Variants in ADAMTS6 observed in about 807,000 individuals in gnomAD.
ADAMTS6 encodes the protein A disintegrin and metalloproteinase with thrombospondin motifs 6.
In ADAMTS6, 23 loss-of-function variants were observed where a neutral mutation model predicts 144.3. The observed-to-expected ratio is 0.16, with a 90% CI of 0.11 to 0.23. The LOEUF is 0.23. Ranked by LOEUF, ADAMTS6 falls within the 10% of genes least tolerant of loss-of-function variation. ADAMTS6 has a pLI of 1.00. For missense variants in ADAMTS6, 999 were observed against 1,379.6 expected (o/e 0.72, Z 4.37); for synonymous variants, 444 against 457.5 (o/e 0.97, Z 0.38).
chr5:65,248,631 C>T (rs1023485862), intron 14 of ADAMTS6, among the ~76,000 whole-genome samples: 1 of 106,052 alleles, frequency 9.4e-6, no homozygotes, highest in Non-Finnish European at 1.8e-5. Flanking sequence ...CAAAACCCTA[C>T]AAAAAATACA....
intron 7 of ADAMTS6, among the ~76,000 whole-genome samples, chr5:65,436,532 CCTTT>C (rs1757420198): frequency 6.6e-6 from 1 of 151,118 alleles, no homozygotes; most frequent in East Asian, 1.9e-4. Context: ...AAGCTGCATT[CCTTT>C]ATTTTAAAAA....
chr5:65,198,308 A>G (rs771193087), intron 20 of ADAMTS6, among the ~76,000 whole-genome samples: 2 of 150,884 alleles, frequency 1.3e-5, no homozygotes, highest in Non-Finnish European at 3.0e-5. Context: ...ATCCCACACA[A>G]TCCTTCAGTT....
chr5:65,215,993 G>T (rs1756888873), intron 18 of ADAMTS6, among the ~76,000 whole-genome samples: 1 of 151,980 alleles, frequency 6.6e-6, no homozygotes. Flanking sequence ...CAAGAAATGG[G>T]GCTAAGGCAA....
At chr5:65,340,088 CA>C (rs1303327334) in intron 7 of ADAMTS6, among the ~76,000 whole-genome samples, 1 of 151,940 alleles carries the variant, frequency 6.6e-6, no homozygotes, top group Non-Finnish European at 1.5e-5. Flanking sequence ...GTCAAATTGT[CA>C]AAAGTCAAAG....
At chr5:65,196,974 T>C (rs1327913253) in intron 21 of ADAMTS6, 48 bp downstream of exon 21, 1 of 1,585,956 alleles carries the variant, frequency 6.3e-7, no homozygotes, top group Admixed American at 1.8e-5. Context: ...ATAATGTTTT[T>C]CTCTTTGCAC....
intron 22 of ADAMTS6, among the ~76,000 whole-genome samples, chr5:65,174,062 T>C (rs960944565): frequency 2.0e-5 from 3 of 151,136 alleles, no homozygotes; most frequent in South Asian, 2.1e-4. Context: ...CTCAATCAAG[T>C]GAGGACCTTA....
chr5:65,456,491 G>T (rs114058096), intron 4 of ADAMTS6, among the ~76,000 whole-genome samples: 1 of 151,864 alleles, frequency 6.6e-6, no homozygotes. Flanking sequence ...CTTTATTTTT[G>T]TTCATAGTAC....
intron 21 of ADAMTS6, among the ~76,000 whole-genome samples, chr5:65,188,873 T>C (rs777774146): frequency 6.6e-6 from 1 of 152,238 alleles, no homozygotes; most frequent in Non-Finnish European, 1.5e-5. Context: ...TTAAAAATTT[T>C]ATGCTAAAAC....
chr5:65,412,271 T>C (rs1755112662), intron 7 of ADAMTS6, among the ~76,000 whole-genome samples: 1 of 152,142 alleles, frequency 6.6e-6, no homozygotes, highest in Admixed American at 6.6e-5. Flanking sequence ...AGAAATTAAA[T>C]TGTAATAGTA....
intron 7 of ADAMTS6, among the ~76,000 whole-genome samples, chr5:65,391,128 C>T (rs1486145019): frequency 2.0e-5 from 3 of 152,026 alleles, no homozygotes; most frequent in African/African-American, 4.8e-5. Context: ...GCCATGTAGG[C>T]CAGTCTCGTA....
At chr5:65,421,478 T>G (rs1756037499) in intron 7 of ADAMTS6, among the ~76,000 whole-genome samples, 1 of 152,212 alleles carries the variant, frequency 6.6e-6, no homozygotes, top group Non-Finnish European at 1.5e-5. Context: ...ACCTTGATGC[T>G]TTGGTCTCAC....
rs757258161 is a variant in ADAMTS6, at chr5:65,214,658, T to C, written c.2575+136A>G. ...ATAATATAATTAAAGCAAAGTTTCT[T>C]TTGCTAAATTACAGCTTGAAGCAAA... On this transcript the variant is annotated intron_variant, in intron 20 of 24. Transcript: ENST00000381055. The surrounding 1 kb of genome is among the most constrained non-coding windows in gnomAD (Gnocchi z 4.6). 1 of 1,275,366 alleles carries C rather than the reference T, an allele frequency of 7.8e-7. No individual in the cohort carries two copies. The highest frequency in any genetic ancestry group is 1.9e-4 in the Middle Eastern group (1 of 5,392). The allele number at this position is 1,275,366 out of a possible 1,614,324, so 79.0% of individuals were successfully genotyped here. A position where few individuals can be genotyped will look rare whatever the true frequency, so the allele number is the denominator to read the frequency against.
chr5:65,427,997 A>G lies in ADAMTS6; in HGVS notation c.1073+23478T>C, dbSNP rs139187238. 2.4e-3 allele frequency among the ~76,000 whole-genome samples: 367 copies of G among 152,076 alleles called. 3 individuals carry two copies. The highest frequency in any genetic ancestry group is 8.6e-3 in the African/African-American group (356 of 41,522). ...TCCCAGCACTTTGGGAGGCTGAGACAGGTGGATCACCTGAGGTCAGGAGTT... is the reference window on the plus strand; with the variant it reads ...TCCCAGCACTTTGGGAGGCTGAGACGGGTGGATCACCTGAGGTCAGGAGTT... On this transcript the variant is annotated intron_variant, in intron 7 of 24. Coordinates refer to ENST00000381055, the MANE Select transcript of ADAMTS6 (RefSeq NM_197941.4).
chr5:65,427,296 TTTA>T (rs559034509), intron 7 of ADAMTS6, among the ~76,000 whole-genome samples: 4 of 151,912 alleles, frequency 2.6e-5, no homozygotes, highest in Non-Finnish European at 4.4e-5. Context: ...TTAATTTTAT[TTTA>T]TTATTATTAT....
intron 7 of ADAMTS6, among the ~76,000 whole-genome samples, chr5:65,360,858 GC>G (rs1417794011): frequency 2.0e-5 from 3 of 152,138 alleles, no homozygotes; most frequent in African/African-American, 7.2e-5. Flanking sequence ...CATGTAAGTT[GC>G]TTACTGCTGT....
intron 7 of ADAMTS6, among the ~76,000 whole-genome samples, chr5:65,392,867 C>T (rs1157669208): frequency 6.6e-6 from 1 of 152,092 alleles, no homozygotes; most frequent in Non-Finnish European, 1.5e-5. Flanking sequence ...ACATGATAAT[C>T]ATGAAATATT....
At position 65,415,088 on chromosome 5, in the gene ADAMTS6, A is replaced by G. The variant is rs558049618; in HGVS notation, c.1073+36387T>C. 5.9e-5 allele frequency among the ~76,000 whole-genome samples: 9 copies of G among 152,370 alleles called. No homozygotes were observed. The South Asian group carries it at 1.7e-3, about 28-fold the overall frequency. ...GAAAAATATTTGCGAATCATATATG[A>G]TAAGTCTAATATTCAAATTTATTTA... On this transcript the variant is annotated intron_variant, in intron 7 of 24. Coordinates refer to ENST00000381055, the MANE Select transcript of ADAMTS6 (RefSeq NM_197941.4).
rs1752098826 is a variant in ADAMTS6 at position 65,150,641 on chromosome 5, CAG to C, written c.*1193_*1194del. On this transcript the variant is annotated 3_prime_UTR_variant, in exon 25 of 25. Transcript: ENST00000381055. ...TATCCCTTGCCTACTTTAAAACTCA[CAG>C]AAATAGCACATTATGTGCAAGCACA... The C allele has an allele frequency of 6.6e-6, 1 of 152,626 alleles. No individual in the cohort carries two copies. Among genetic ancestry groups the C allele is most frequent in the South Asian group, 2.1e-4 (1 of 4,832 alleles). 9.5% of individuals were successfully genotyped at this position (152,626 alleles called of 1,614,324 possible). A position where few individuals can be genotyped will look rare whatever the true frequency, so the allele number is the denominator to read the frequency against.
At chr5:65,414,238 A>G (rs1417903038) in intron 7 of ADAMTS6, among the ~76,000 whole-genome samples, 1 of 151,940 alleles carries the variant, frequency 6.6e-6, no homozygotes, top group East Asian at 1.9e-4. Context: ...CCTAGTATAA[A>G]AACACTCAGG....
Sources: gnomAD v4.1 joint callset for allele counts (sites outside exome capture counted in the v4.1 genomes callset) on GRCh38, gnomAD v4.1.1 for gene constraint, Gnocchi (gnomAD v3.1) non-coding constraint, MANE v1.5 for transcripts, NCBI Gene and HGNC (gene_info 2026-07-23, HGNC 2026-07-21) for gene names.